PPP2R2C: variants seen among roughly 807,000 people sequenced by gnomAD.
The protein encoded by PPP2R2C is protein phosphatase 2 regulatory subunit Bgamma, also known as protein phosphatase 2, regulatory subunit B, gamma.
Under a neutral mutation model 45.3 loss-of-function variants are expected in PPP2R2C, and 10 were observed. That is an observed-to-expected ratio of 0.22 (90% CI 0.14 to 0.37). The LOEUF (loss-of-function observed/expected upper bound fraction) is 0.37. Ranked by LOEUF, PPP2R2C falls within the 10% of genes least tolerant of loss-of-function variation. The pLI, the probability that PPP2R2C is intolerant of heterozygous loss-of-function variation, is 1.00. For synonymous variants in PPP2R2C, 257 were observed against 245.4 expected, an observed-to-expected ratio of 1.05 and a Z score of -0.44; for missense variants, 308 against 619.7, an observed-to-expected ratio of 0.50 and a Z score of 5.34.
chr4:6,423,415 G>T (rs1719099651), intron 1 of PPP2R2C, among the ~76,000 whole-genome samples: 1 of 152,148 alleles, frequency 6.6e-6, no homozygotes, highest in African/African-American at 2.4e-5. Context: ...CATTGGCCAG[G>T]CTGGTCTCGA....
chr4:6,389,585 G>A (rs1301156971), intron 1 of PPP2R2C, among the ~76,000 whole-genome samples: 1 of 152,184 alleles, frequency 6.6e-6, no homozygotes, highest in Non-Finnish European at 1.5e-5. Flanking sequence ...TTACCCAGCA[G>A]CGGGCTGACA....
chr4:6,375,667 G>C, intron 4 of PPP2R2C, 152 bp downstream of exon 4: 1 of 635,280 alleles, frequency 1.6e-6, no homozygotes, highest in Non-Finnish European at 2.8e-6. Flanking sequence ...ACTGAGGCAA[G>C]GGGCAGGAAG....
At chr4:6,477,096 A>C (rs1210358251), upstream of PPP2R2C, among the ~76,000 whole-genome samples, 2 of 152,242 alleles carry the variant, frequency 1.3e-5, no homozygotes, top group East Asian at 3.9e-4. Context: ...CTACTAAAAA[A>C]ATGCAAAAAT....
At chr4:6,347,207 T>C (rs1365823391) in intron 6 of PPP2R2C, among the ~76,000 whole-genome samples, 2 of 152,196 alleles carry the variant, frequency 1.3e-5, no homozygotes, top group African/African-American at 4.8e-5. Context: ...GAAGATTCGA[T>C]GAGTTCACAG....
chr4:6,385,856 C>T (rs975324471), intron 1 of PPP2R2C, among the ~76,000 whole-genome samples: 14 of 152,106 alleles, frequency 9.2e-5, no homozygotes, highest in East Asian at 1.9e-4. Flanking sequence ...TGTGAGCCAC[C>T]GCGCCCGGCC....
At chr4:6,355,383 G>A (rs905632447) in intron 5 of PPP2R2C, among the ~76,000 whole-genome samples, 8 of 152,096 alleles carry the variant, frequency 5.3e-5, no homozygotes, top group Admixed American at 6.6e-5. Flanking sequence ...TTCAACTCCC[G>A]GGGAGGGATA....
rs1732244083 is a variant in PPP2R2C at position 6,329,617 on chromosome 4, A to G, written c.961-264T>C. On this transcript the variant is annotated intron_variant, in intron 7 of 8. Transcript: ENST00000382599. This position sits in a 1 kb window ranked among gnomAD's most constrained non-coding sequence, Gnocchi z 5.8. Reference sequence around the variant, plus strand: ...CCCTGCTCATCTTATCGGGGGGCCCACGACCAGGCACACGGCTGACCTCCA... The same window carrying G: ...CCCTGCTCATCTTATCGGGGGGCCCGCGACCAGGCACACGGCTGACCTCCA... Among the ~76,000 whole-genome samples, 2 of 130,894 alleles carry G rather than the reference A, an allele frequency of 1.5e-5. No homozygotes were observed. Among genetic ancestry groups the G allele is most frequent in the Admixed American group, 7.0e-5 (1 of 14,296 alleles). The allele number at this position is 130,894 out of a possible 152,430, so 85.9% of individuals were successfully genotyped here.
At chr4:6,524,755 T>A (rs1408195041) in intron 2 of PPP2R2C, among the ~76,000 whole-genome samples, 1 of 152,170 alleles carries the variant, frequency 6.6e-6, no homozygotes, top group Non-Finnish European at 1.5e-5. Flanking sequence ...AAAGGATTCA[T>A]GTACAGAGGC....
chr4:6,382,560 C>T lies in PPP2R2C; in HGVS notation c.71-1466G>A, dbSNP rs571454501. On this transcript the variant is annotated intron_variant, in intron 1 of 8. Transcript: ENST00000382599. The stretch of plus-strand genomic sequence containing the variant: ...TCAGCCTCATCCTCTGCAGCTTCCC[C>T]AGTCTCAGGTGATGACAGCTCTATT... 189 of 1,331,430 alleles carry T rather than the reference C, an allele frequency of 1.4e-4. 1 individual carries two copies. In the African/African-American group the frequency reaches 2.6e-3, roughly 18 times the overall value. 82.5% of individuals were successfully genotyped at this position (1,331,430 alleles called of 1,614,324 possible).
chr4:6,400,146 G>T (rs1717316525), intron 1 of PPP2R2C, among the ~76,000 whole-genome samples: 2 of 152,198 alleles, frequency 1.3e-5, no homozygotes. Context: ...GACGTTTTCA[G>T]GGGATTGTGG....
chr4:6,503,670 T>C (rs1012573707), intron 2 of PPP2R2C, among the ~76,000 whole-genome samples: 1 of 152,158 alleles, frequency 6.6e-6, no homozygotes, highest in Non-Finnish European at 1.5e-5. Flanking sequence ...TACAGACTTA[T>C]GCATAATGTT....
intron 2 of PPP2R2C, among the ~76,000 whole-genome samples, chr4:6,510,471 T>C (rs556414501): frequency 6.6e-6 from 1 of 152,356 alleles, no homozygotes; most frequent in South Asian, 2.1e-4. Context: ...TTTAACTTCT[T>C]CATGGTGCTT....
At chr4:6,337,312 A>T (rs1202559325) in intron 6 of PPP2R2C, among the ~76,000 whole-genome samples, 1 of 151,144 alleles carries the variant, frequency 6.6e-6, no homozygotes, top group Non-Finnish European at 1.5e-5. Flanking sequence ...AGAGACTCAT[A>T]TTTGGGAGAA....
chr4:6,375,974 A>C, intron 3 of PPP2R2C, 43 bp from the exon 4 acceptor site: 1 of 1,513,682 alleles, frequency 6.6e-7, no homozygotes, highest in Non-Finnish European at 9.2e-7. Context: ...ATAATTAAGC[A>C]GCCGGATGGA....
chr4:6,466,260 T>A (rs1721589116), intron 1 of PPP2R2C, among the ~76,000 whole-genome samples: 1 of 152,144 alleles, frequency 6.6e-6, no homozygotes, highest in South Asian at 2.1e-4. Flanking sequence ...CTCTGCTCAT[T>A]CCCAGGCTCC....
At chr4:6,422,626 T>A (rs1481010212) in intron 1 of PPP2R2C, among the ~76,000 whole-genome samples, 2 of 152,192 alleles carry the variant, frequency 1.3e-5, no homozygotes, top group Non-Finnish European at 2.9e-5. Context: ...CAGATGGCTG[T>A]CTTCTCCCTG....
intron 2 of PPP2R2C, among the ~76,000 whole-genome samples, chr4:6,482,485 G>A (rs547513943): frequency 3.3e-5 from 5 of 152,236 alleles, no homozygotes; most frequent in Admixed American, 1.3e-4. Context: ...TCTCTTAAGC[G>A]TCTTATAGAT....
intron 1 of PPP2R2C, among the ~76,000 whole-genome samples, chr4:6,433,102 T>G (rs1267228004): frequency 1.3e-5 from 2 of 152,190 alleles, no homozygotes; most frequent in Non-Finnish European, 2.9e-5. Context: ...ACTGTTCATG[T>G]TTTTGGAAGT....
rs4077345 is a variant in PPP2R2C, at chr4:6,471,797, T to C, written c.70+363A>G. 10,553 of 237,024 alleles carry C rather than the reference T, an allele frequency of 0.045. 849 individuals carry two copies. The highest frequency in any genetic ancestry group is 0.32 in the East Asian group (3,483 of 10,792). The allele number at this position is 237,024 out of a possible 1,614,324, so 14.7% of individuals were successfully genotyped here. A position where few individuals can be genotyped will look rare whatever the true frequency, so the allele number is the denominator to read the frequency against. On this transcript the variant is annotated intron_variant, in intron 1 of 8. Coordinates refer to ENST00000382599, the MANE Select transcript of PPP2R2C (RefSeq NM_020416.4). This position sits in a 1 kb window ranked among gnomAD's most constrained non-coding sequence, Gnocchi z 5.6. ...AAATCCAGGATTTAAACCATTAAAT[T>C]TCCCCGAGATTTCTTCACCAGATTA... is the stretch of plus-strand genomic sequence containing the variant.
Sources: allele counts gnomAD v4.1 joint callset (sites outside exome capture counted in the v4.1 genomes callset), GRCh38; gene constraint gnomAD v4.1.1; non-coding constraint Gnocchi (gnomAD v3.1); transcripts MANE v1.5; gene names NCBI Gene and HGNC (gene_info 2026-07-23, HGNC 2026-07-21).